The following VPS9D1 variants were observed in gnomAD, a reference collection of about 807,000 sequenced individuals.
VPS9D1 encodes the protein VPS9 domain containing 1, also known as VPS9 domain-containing protein 1.
VPS9D1 carries 78 observed loss-of-function variants against 75.8 expected under a neutral mutation model. That is an observed-to-expected ratio of 1.03 (90% CI 0.86 to 1.24). The LOEUF (loss-of-function observed/expected upper bound fraction) is 1.24, where lower values mean the gene tolerates loss of function less well. Ranked by LOEUF, VPS9D1 falls within the 50% of genes most tolerant of loss-of-function variation. The pLI is 0.00. For synonymous variants in VPS9D1, 481 were observed against 385.6 expected (o/e 1.25, Z -2.90); for missense variants, 1,057 against 847.7 (o/e 1.25, Z -3.07).
intron 1 of VPS9D1, 150 bp downstream of exon 1, chr16:89,720,613 C>T (rs1263583467): frequency 2.5e-6 from 3 of 1,221,792 alleles, no homozygotes; most frequent in African/African-American, 1.6e-5. Context: ...GCCCCGCCCC[C>T]GTCCTCGCCC....
intron 12 of VPS9D1, 83 bp downstream of exon 12, chr16:89,709,144 A>T: frequency 6.3e-7 from 1 of 1,581,566 alleles, no homozygotes; most frequent in African/African-American, 1.3e-5. Flanking sequence ...GTGACAAGAG[A>T]AGCTCAGTGG....
chr16:89,707,959 A>G lies in VPS9D1; in HGVS notation c.1803-5T>C, dbSNP rs1161717350. 8.1e-6 allele frequency: 13 copies of G among 1,612,200 alleles called. No homozygotes were observed. The highest frequency in any genetic ancestry group is 1.1e-5 in the Non-Finnish European group (13 of 1,179,420). On this transcript the variant is annotated splice_polypyrimidine_tract_variant and splice_region_variant and intron_variant, in intron 14 of 14. Transcript: ENST00000389386. ...CCCTCCTCTCCGATCAGGTACCTGC[A>G]TGGATGGCAGGGGCAGCCGGTGTCA...
rs375148702 is a variant in VPS9D1 at position 89,708,456 on chromosome 16, G to A, written c.1773C>T (p.Cys591=). ...RSGLPQLVSE[C]AALEEFIHEG... ...CGTGGATGAACTCCTCCAGGGCCGC[G>A]CACTCCGACACCAGCTGAGGGAGGC... The change falls in exon 14 of 15, where the codon TGC becomes TGT. Residue 591 remains cysteine, a synonymous_variant. Coordinates refer to ENST00000389386, the MANE Select transcript of VPS9D1 (RefSeq NM_004913.3). The A allele has an allele frequency of 2.0e-5, 32 of 1,612,614 alleles. No homozygotes were observed. The highest frequency in any genetic ancestry group is 4.5e-5 in the East Asian group (2 of 44,884).
chr16:89,711,432 GA>G lies in VPS9D1; in HGVS notation c.748-21del. On this transcript the variant is annotated intron_variant, in intron 8 of 14. Transcript: ENST00000389386. ...CCAGTCCTACGGGACAGGGGGCCTT[GA>G]AGGAAAGCACGGTGGGTCCGCCACG... is the stretch of plus-strand genomic sequence containing the variant. 1 of 1,592,014 alleles carries G rather than the reference GA, an allele frequency of 6.3e-7. No homozygotes were observed. The highest frequency in any genetic ancestry group is 1.8e-5 in the Admixed American group (1 of 56,754).
chr16:89,718,977 G>C, intron 2 of VPS9D1, 50 bp downstream of exon 2: 1 of 1,520,448 alleles, frequency 6.6e-7, no homozygotes, highest in East Asian at 2.3e-5. Flanking sequence ...GCCTCCCACA[G>C]TGCTGGGATT....
In VPS9D1 at chr16:89,711,549, C is replaced by T. The variant is rs561631702; in HGVS notation, c.748-137G>A. ...CAGGAGACCCAGCGCCAGCAGGCCC[C>T]GCGACCCGCCCCCGCCCCCACCCAC... On this transcript the variant is annotated intron_variant, in intron 8 of 14. Transcript: ENST00000389386. The T allele has an allele frequency of 3.6e-4, 298 of 830,906 alleles. 2 individuals carry two copies. The highest frequency in any genetic ancestry group is 8.0e-5 in the Non-Finnish European group (43 of 540,164). The allele number at this position is 830,906 out of a possible 1,614,324, so 51.5% of individuals were successfully genotyped here.
chr16:89,710,703 C>T lies in VPS9D1; in HGVS notation c.1141G>A (p.Glu381Lys). The T allele has an allele frequency of 1.9e-6, 3 of 1,607,788 alleles. No homozygotes were observed. Among genetic ancestry groups the T allele is most frequent in the Admixed American group, 1.7e-5 (1 of 59,182 alleles). ...SGLPDKDSSF[E>K]DLEQFLGTSE... ...GTCCCCAGGAACTGCTCCAGGTCCT[C>T]GAACGAGCTGTCCTTGTCTGGCAAT... is the stretch of plus-strand genomic sequence containing the variant. The change falls in exon 10 of 15, where the codon GAG (glutamate) becomes AAG (lysine). Residue 381 changes from glutamate (E) to lysine (K), a missense_variant. Physicochemically the swap from Glu to Lys is moderately conservative, Grantham distance 56. Transcript: ENST00000389386.
Position 89,708,938 on chromosome 16 carries a change from A to G in VPS9D1, c.1616T>C (p.Ile539Thr). 1 of 1,604,684 alleles carries G rather than the reference A, an allele frequency of 6.2e-7. No homozygotes were observed. Among genetic ancestry groups the G allele is most frequent in the Non-Finnish European group, 8.5e-7 (1 of 1,176,992 alleles). The change falls in exon 13 of 15, where the codon ATC (isoleucine) becomes ACC (threonine). Residue 539 changes from isoleucine to threonine, a missense_variant. Physicochemically the swap from Ile to Thr is moderately conservative, Grantham distance 89. Transcript: ENST00000389386. ...LECIVRTLRIICVCAEDYCPT... is the reference protein window; with the variant it reads ...LECIVRTLRITCVCAEDYCPT... ...GCAGTAGTCTTCCGCACAGACACAG[A>G]TGATCCGCAGGGTCCGCACTGCGCC...
Position 89,710,727 on chromosome 16 carries a change from A to T in VPS9D1, c.1117T>A (p.Leu373Met), listed in dbSNP as rs377394644. ...PSPLGDTASG[L>M]PDKDSSFEDL... ...TCGAACGAGCTGTCCTTGTCTGGCAATCCAGATGCGGTGTCCCCCAGGGGT... is the reference window on the plus strand; with the variant it reads ...TCGAACGAGCTGTCCTTGTCTGGCATTCCAGATGCGGTGTCCCCCAGGGGT... Residue 373 changes from leucine (L) to methionine (M), a missense_variant, in exon 10 of 15, where the codon TTG (leucine) becomes ATG (methionine). Coordinates refer to ENST00000389386, the MANE Select transcript of VPS9D1 (RefSeq NM_004913.3). The T allele has an allele frequency of 1.3e-6, 2 of 1,595,036 alleles. No homozygotes were observed. The highest frequency in any genetic ancestry group is 1.1e-5 in the South Asian group (1 of 88,666).
chr16:89,708,299 C>T (rs1038062637), intron 14 of VPS9D1, 128 bp downstream of exon 14: 12 of 932,326 alleles, frequency 1.3e-5, no homozygotes, highest in Middle Eastern at 2.2e-4. Context: ...AGGGGCTGCC[C>T]GAAGGCATGG....
Position 89,709,572 on chromosome 16 carries a change from C to G in VPS9D1, c.1389-137G>C, listed in dbSNP as rs1244527237. On this transcript the variant is annotated intron_variant, in intron 11 of 14. Transcript: ENST00000389386. Reference sequence around the variant, plus strand: ...AAAAAGCCCCAGCGTTGCCAAGACCCCAGGCACGGGAGAGTGGCAATAATC... The same window carrying G: ...AAAAAGCCCCAGCGTTGCCAAGACCGCAGGCACGGGAGAGTGGCAATAATC... The G allele has an allele frequency of 7.8e-6, 10 of 1,277,280 alleles. 1 individual carries two copies. The South Asian group carries it at 1.4e-4, about 17-fold the overall frequency. 79.1% of individuals were successfully genotyped at this position (1,277,280 alleles called of 1,614,324 possible). A position where few individuals can be genotyped will look rare whatever the true frequency, so the allele number is the denominator to read the frequency against.
intron 12 of VPS9D1, 46 bp from the exon 13 acceptor site, chr16:89,709,002 G>T: frequency 6.5e-7 from 1 of 1,543,892 alleles, no homozygotes. Flanking sequence ...CCGTCCAGCA[G>T]CCTGAGCCAC....
intron 4 of VPS9D1, 143 bp downstream of exon 4, chr16:89,716,319 T>C (rs1372623212): frequency 2.5e-5 from 31 of 1,256,396 alleles, no homozygotes; most frequent in Non-Finnish European, 3.2e-5. Flanking sequence ...TGAGCCAAGA[T>C]TGAGCCGCTG....
intron 2 of VPS9D1, chr16:89,718,220 C>G (rs2061136512): frequency 2.6e-6 from 1 of 384,280 alleles, no homozygotes; most frequent in African/African-American, 2.1e-5. Context: ...CAAGTCTGCT[C>G]TGTTCCACCT....
At chr16:89,711,282 A>G in intron 9 of VPS9D1, 45 bp downstream of exon 9, 1 of 1,558,306 alleles carries the variant, frequency 6.4e-7, no homozygotes, top group Non-Finnish European at 8.7e-7. Context: ...AGAGGTGCCC[A>G]AGGCCGGTGC....
Position 89,711,377 on chromosome 16 carries a change from C to A in VPS9D1, c.783G>T (p.Arg261Ser). Residue 261 changes from arginine (R) to serine (S), a missense_variant, in exon 9 of 15, where the codon AGG becomes AGT. Coordinates refer to ENST00000389386, the MANE Select transcript of VPS9D1 (RefSeq NM_004913.3). ...WPKHWKAKLK[R>S]NPGDLSLVTS... ...TCACGAGTGACAGGTCCCCCGGATT[C>A]CTCTTGAGCTTGGCCTTCCAGTGCT... The A allele has an allele frequency of 6.2e-7, 1 of 1,611,050 alleles. No individual in the cohort carries two copies. The highest frequency in any genetic ancestry group is 1.1e-5 in the South Asian group (1 of 90,314).
Position 89,707,859 on chromosome 16 carries a change from T to C in VPS9D1, c.*2A>G. 1 of 1,612,934 alleles carries C rather than the reference T, an allele frequency of 6.2e-7. No individual in the cohort carries two copies. On this transcript the variant is annotated 3_prime_UTR_variant, in exon 15 of 15. Transcript: ENST00000389386. The stretch of plus-strand genomic sequence containing the variant: ...CTGCAGGGACCCTGGGCTCTAGCTG[T>C]ACTACTTGGCCAGGCCTCCCCGGGG...
In VPS9D1 at chr16:89,707,684, T is replaced by G; in HGVS notation, c.*177A>C. ...GCCAACCCCAAGCTCCAGGGTCAGA[T>G]GTGAGGTGAGGAAGGTGAAGAGCTG... On this transcript the variant is annotated 3_prime_UTR_variant, in exon 15 of 15. Transcript: ENST00000389386. 8.4e-6 allele frequency: 5 copies of G among 592,582 alleles called. No individual in the cohort carries two copies. The highest frequency in any genetic ancestry group is 6.0e-6 in the Non-Finnish European group (2 of 333,672). 36.7% of individuals were successfully genotyped at this position (592,582 alleles called of 1,614,324 possible). A position where few individuals can be genotyped will look rare whatever the true frequency, so the allele number is the denominator to read the frequency against.
intron 1 of VPS9D1, among the ~76,000 whole-genome samples, chr16:89,720,076 G>A (rs1439360502): frequency 1.3e-5 from 2 of 152,192 alleles, no homozygotes; most frequent in African/African-American, 2.4e-5. Flanking sequence ...TTAAGTCTAT[G>A]CCTCAGAGAG....
Sources: gnomAD v4.1 joint callset for allele counts (sites outside exome capture counted in the v4.1 genomes callset) on GRCh38, gnomAD v4.1.1 for gene constraint, MANE v1.5 for transcripts, NCBI Gene and HGNC (gene_info 2026-07-23, HGNC 2026-07-21) for gene names.